The following PLEKHA6 variants were observed in gnomAD, a reference collection of about 807,000 sequenced individuals.
PLEKHA6 encodes pleckstrin homology domain containing A6.
Under a neutral mutation model 116.7 loss-of-function variants are expected in PLEKHA6, and 60 were observed. The ratio of observed to expected loss-of-function variants is 0.51; its 90% CI spans 0.42 to 0.64. The LOEUF (loss-of-function observed/expected upper bound fraction) is 0.64, where lower values mean the gene tolerates loss of function less well. Among genes scored for constraint, PLEKHA6 ranks in the 30% least tolerant of loss-of-function variants. The pLI is 0.00. For synonymous variants in PLEKHA6, 489 were observed against 556.1 expected (o/e 0.88, Z 1.70); for missense variants, 1,338 against 1,422.7 (o/e 0.94, Z 0.96).
At chr1:204,339,073 G>A (rs1672756663) in intron 1 of PLEKHA6, among the ~76,000 whole-genome samples, 1 of 152,292 alleles carries the variant, frequency 6.6e-6, no homozygotes, top group Non-Finnish European at 1.5e-5. Context: ...CTCCTGGAAC[G>A]CTCTCTTGAG....
intron 3 of PLEKHA6, among the ~76,000 whole-genome samples, chr1:204,270,753 A>C (rs1452835237): frequency 6.6e-6 from 1 of 152,198 alleles, no homozygotes; most frequent in East Asian, 1.9e-4. Flanking sequence ...CTCGTCACTT[A>C]AGAGAGAGGT....
Position 204,372,793 on chromosome 1 carries a change from A to C in PLEKHA6, c.84-1187T>G, listed in dbSNP as rs112298138. Among the ~76,000 whole-genome samples the C allele has an allele frequency of 3.4e-3, 516 of 152,152 alleles. 5 individuals carry two copies. The highest frequency in any genetic ancestry group is 0.011 in the African/African-American group (449 of 41,484). ...TCTATCCTCACCCCTCTCCCCAGCA[A>C]CTGATTTGTTTTCTGTTACCATAGA... On this transcript the variant is annotated intron_variant, in intron 1 of 4. Coordinates refer to the PLEKHA6 transcript ENST00000564627.
At chr1:204,311,588 T>A (rs1472719583) in intron 1 of PLEKHA6, 1 of 978,364 alleles carries the variant, frequency 1.0e-6, no homozygotes, top group Non-Finnish European at 1.2e-6. Context: ...AAACTAATGA[T>A]AACTGCCAAA....
Position 204,339,173 on chromosome 1 carries a change from T to C in PLEKHA6, c.-95+20521A>G, listed in dbSNP as rs552679853. Among the ~76,000 whole-genome samples, 9 of 152,326 alleles carry C rather than the reference T, an allele frequency of 5.9e-5. No homozygotes were observed. In the South Asian group the frequency reaches 1.5e-3, roughly 25 times the overall value. On this transcript the variant is annotated intron_variant, in intron 1 of 22. Transcript: ENST00000272203. ...TGGTGCTCAGGTTGACAGGCCCCGC[T>C]GAGCTCCCCGATGACAGCTGGCATC...
chr1:204,309,687 G>A, intron 1 of PLEKHA6: 1 of 911,768 alleles, frequency 1.1e-6, no homozygotes, highest in South Asian at 5.1e-5. Context: ...ATATTGAGAA[G>A]GAACTGTACA....
intron 10 of PLEKHA6, among the ~76,000 whole-genome samples, 188 bp from the exon 11 acceptor site, chr1:204,249,452 G>A (rs892285846): frequency 6.6e-6 from 1 of 152,142 alleles, no homozygotes; most frequent in Non-Finnish European, 1.5e-5. Flanking sequence ...CATCTTGGGA[G>A]GTGAGGTATG....
At chr1:204,289,685 C>T (rs908427589) in intron 1 of PLEKHA6, among the ~76,000 whole-genome samples, 1 of 152,234 alleles carries the variant, frequency 6.6e-6, no homozygotes, top group African/African-American at 2.4e-5. Context: ...CCATCCTTTA[C>T]AGTCACAGCT....
intron 1 of PLEKHA6, among the ~76,000 whole-genome samples, chr1:204,348,617 A>C (rs1673158466): frequency 6.6e-6 from 1 of 151,968 alleles, no homozygotes; most frequent in Admixed American, 6.5e-5. Context: ...ATTTTATCAC[A>C]ATAAATATTT....
intron 1 of PLEKHA6, among the ~76,000 whole-genome samples, chr1:204,316,807 C>A (rs1671876253): frequency 2.6e-5 from 4 of 152,216 alleles, no homozygotes; most frequent in Admixed American, 2.6e-4. Context: ...TTCCTCTTTC[C>A]TTTGGCATCT....
chr1:204,294,950 C>T (rs1463844473), intron 1 of PLEKHA6, among the ~76,000 whole-genome samples: 2 of 152,176 alleles, frequency 1.3e-5, no homozygotes, highest in Non-Finnish European at 2.9e-5. Flanking sequence ...TTATAAAACC[C>T]CTCACCACTT....
At chr1:204,308,672 A>ATTCTTTTTCTTT (rs1399249740) in intron 1 of PLEKHA6, among the ~76,000 whole-genome samples, 8 of 89,246 alleles carry the variant, frequency 9.0e-5, no homozygotes, top group South Asian at 8.3e-4. Flanking sequence ...CAAGAAGGTA[A>ATTCTTTTTCTTT]TTCTTTTTCT....
At chr1:204,297,867 A>G (rs1407342207) in intron 1 of PLEKHA6, 2 of 984,598 alleles carry the variant, frequency 2.0e-6, no homozygotes, top group Non-Finnish European at 2.4e-6. Flanking sequence ...CCCAACCTCC[A>G]CAAGGTCCAT....
intron 1 of PLEKHA6, among the ~76,000 whole-genome samples, chr1:204,352,890 T>G (rs1673323352): frequency 6.6e-6 from 1 of 151,988 alleles, no homozygotes; most frequent in South Asian, 2.1e-4. Flanking sequence ...GAGGCTGAGG[T>G]GGGAGGACTG....
chr1:204,226,926 G>A (rs963299663), intron 21 of PLEKHA6, among the ~76,000 whole-genome samples: 2 of 152,136 alleles, frequency 1.3e-5, no homozygotes, highest in African/African-American at 2.4e-5. Context: ...TACGGCACGC[G>A]AGCATGTATT....
rs183112309 is a variant in PLEKHA6, at chr1:204,339,457, A to G, written c.-95+20237T>C. ...TACTAGGGAAATTGGGGCAAGGATCATACTCAAAATGGATGTGAAAAGAGG... is the reference window on the plus strand; with the variant it reads ...TACTAGGGAAATTGGGGCAAGGATCGTACTCAAAATGGATGTGAAAAGAGG... On this transcript the variant is annotated intron_variant, in intron 1 of 22. Coordinates refer to ENST00000272203, the MANE Select transcript of PLEKHA6 (RefSeq NM_014935.5). Among the ~76,000 whole-genome samples the G allele has an allele frequency of 2.0e-4, 31 of 152,372 alleles. No homozygotes were observed. The East Asian group carries it at 6.0e-3, about 29-fold the overall frequency.
chr1:204,372,411 C>G (rs1422182195), intron 1 of PLEKHA6, among the ~76,000 whole-genome samples: 1 of 152,158 alleles, frequency 6.6e-6, no homozygotes, highest in Non-Finnish European at 1.5e-5. Context: ...CTTCCAGAGC[C>G]AGATGTGATC....
intron 9 of PLEKHA6, among the ~76,000 whole-genome samples, chr1:204,251,349 C>T (rs973711844): frequency 2.6e-5 from 4 of 152,122 alleles, no homozygotes; most frequent in African/African-American, 9.7e-5. Context: ...CTTGGGTTTA[C>T]CCATGAAAGT....
In PLEKHA6 at chr1:204,262,217, G is replaced by T. The variant is rs73075551; in HGVS notation, c.382-769C>A. On this transcript the variant is annotated intron_variant, in intron 6 of 22. Coordinates refer to ENST00000272203, the MANE Select transcript of PLEKHA6 (RefSeq NM_014935.5). The stretch of plus-strand genomic sequence containing the variant: ...AATGCCCAGTTCTGCCTACCAAGGG[G>T]TGGGGAGTGGAGAGCTTGCACCAGG... 5.1e-3 allele frequency: 773 copies of T among 152,518 alleles called. 2 individuals are homozygous for T. The highest frequency in any genetic ancestry group is 0.014 in the Middle Eastern group (4 of 294). 9.4% of individuals were successfully genotyped at this position (152,518 alleles called of 1,614,324 possible). A position where few individuals can be genotyped will look rare whatever the true frequency, so the allele number is the denominator to read the frequency against.
At chr1:204,299,078 C>A (rs748005932) in intron 1 of PLEKHA6, among the ~76,000 whole-genome samples, 35 of 152,206 alleles carry the variant, frequency 2.3e-4, no homozygotes, top group Non-Finnish European at 4.1e-4. Context: ...AGAGACACCC[C>A]AGCTCCCTTA....
Sources: gnomAD v4.1 joint callset for allele counts (sites outside exome capture counted in the v4.1 genomes callset) on GRCh38, gnomAD v4.1.1 for gene constraint, MANE v1.5 for transcripts, NCBI Gene and HGNC (gene_info 2026-07-23, HGNC 2026-07-21) for gene names.